Variants in SRGAP2C observed in about 807,000 individuals in gnomAD.
SRGAP2C encodes the protein SLIT-ROBO Rho GTPase-activating protein 2C.
SRGAP2C carries 15 observed loss-of-function variants against 25.1 expected under a neutral mutation model. The ratio of observed to expected loss-of-function variants is 0.60; its 90% CI spans 0.40 to 0.92. The LOEUF (loss-of-function observed/expected upper bound fraction) is 0.92, where lower values mean the gene tolerates loss of function less well. Among genes scored for constraint, SRGAP2C ranks in the 40% least tolerant of loss-of-function variants. The pLI, the probability that SRGAP2C is intolerant of heterozygous loss-of-function variation, is 0.00. For missense variants in SRGAP2C, 144 were observed against 264.4 expected (o/e 0.54, Z 3.16); for synonymous variants, 44 against 96.6 (o/e 0.46, Z 3.19).
Position 121,365,168 on chromosome 1 carries a change from G to T in SRGAP2C, c.424-125G>T. The T allele has an allele frequency of 5.9e-6, 2 of 339,734 alleles. 1 individual carries two copies. Among genetic ancestry groups the T allele is most frequent in the South Asian group, 5.4e-5 (2 of 36,832 alleles). 21.0% of individuals were successfully genotyped at this position (339,734 alleles called of 1,614,324 possible). ...TCTGATTGGAGTGGTTATCTGATTTGCTGGGTTAAATAATGGGCCTTAATT... is the reference window on the plus strand; with the variant it reads ...TCTGATTGGAGTGGTTATCTGATTTTCTGGGTTAAATAATGGGCCTTAATT... On this transcript the variant is annotated intron_variant, in intron 4 of 9. Coordinates refer to ENST00000367123, the MANE Select transcript of SRGAP2C (RefSeq NM_001329984.2).
At chr1:121,277,127 C>A (rs1237671562) in intron 2 of SRGAP2C, among the ~76,000 whole-genome samples, 1 of 117,460 alleles carries the variant, frequency 8.5e-6, no homozygotes, top group Non-Finnish European at 1.8e-5. Flanking sequence ...TCAACACTTT[C>A]ATTGTAGTAT....
chr1:121,210,233 CA>C (rs1553323365), intron 2 of SRGAP2C, among the ~76,000 whole-genome samples: 1 of 150,372 alleles, frequency 6.7e-6, no homozygotes, highest in African/African-American at 2.5e-5. Context: ...TTAGGGTAAA[CA>C]AAATCAAATA....
chr1:121,385,753 T>C (rs1444964337), intron 8 of SRGAP2C, among the ~76,000 whole-genome samples: 1 of 152,070 alleles, frequency 6.6e-6, no homozygotes, highest in Non-Finnish European at 1.5e-5. Context: ...CCTTCTGCTC[T>C]CATCTGTCAT....
chr1:121,285,404 T>TCTCTCACACACACA (rs1553336851), intron 3 of SRGAP2C, among the ~76,000 whole-genome samples: 2 of 124,484 alleles, frequency 1.6e-5, no homozygotes, highest in Admixed American at 8.3e-5. Context: ...TCTCTCTCTC[T>TCTCTCACACACACA]CACACACACA....
intron 4 of SRGAP2C, among the ~76,000 whole-genome samples, chr1:121,352,677 C>A (rs1315810806): frequency 2.7e-5 from 4 of 148,816 alleles, no homozygotes; most frequent in African/African-American, 9.9e-5. Context: ...GAAAATATAT[C>A]GCCAGCAGAC....
At chr1:121,313,548 T>C (rs1383299733) in intron 3 of SRGAP2C, among the ~76,000 whole-genome samples, 1 of 137,340 alleles carries the variant, frequency 7.3e-6, no homozygotes, top group African/African-American at 2.9e-5. Flanking sequence ...TGGCATGATT[T>C]TGCAGTGGCT....
rs1654462753 is a variant in SRGAP2C at position 121,185,041 on chromosome 1, A to T, written c.-626A>T. On this transcript the variant is annotated 5_prime_UTR_variant, in exon 1 of 10. Transcript: ENST00000367123. ...GGGACTGGGGCACCGATCTGCGTAG[A>T]AACGGGTGGCGGGGAAGAGAGGGGA... The T allele has an allele frequency of 1.9e-6, 1 of 517,342 alleles. No homozygotes were observed. The highest frequency in any genetic ancestry group is 3.6e-5 in the Admixed American group (1 of 27,926). The allele number at this position is 517,342 out of a possible 1,614,324, so 32.0% of individuals were successfully genotyped here. A position where few individuals can be genotyped will look rare whatever the true frequency, so the allele number is the denominator to read the frequency against.
intron 2 of SRGAP2C, among the ~76,000 whole-genome samples, chr1:121,191,848 A>T (rs1320378281): frequency 6.9e-6 from 1 of 144,216 alleles, no homozygotes; most frequent in South Asian, 2.2e-4. Context: ...GTGGCACTGT[A>T]TGCTGAGCAG....
chr1:121,356,839 A>T lies in SRGAP2C; in HGVS notation c.424-8454A>T, dbSNP rs1659075186. Among the ~76,000 whole-genome samples, 4 of 151,430 alleles carry T rather than the reference A, an allele frequency of 2.6e-5. No homozygotes were observed. In the South Asian group the frequency reaches 8.4e-4, roughly 32 times the overall value. On this transcript the variant is annotated intron_variant, in intron 4 of 9. Transcript: ENST00000367123. Reference sequence around the variant, plus strand: ...TAGATTTGATTGTCTGTTTTAAGGGATGTTGTTTTGAGTTTATTTTCTTAG... The same window carrying T: ...TAGATTTGATTGTCTGTTTTAAGGGTTGTTGTTTTGAGTTTATTTTCTTAG...
At chr1:121,228,919 G>A (rs587691837) in intron 2 of SRGAP2C, among the ~76,000 whole-genome samples, 1 of 152,046 alleles carries the variant, frequency 6.6e-6, no homozygotes, top group South Asian at 2.1e-4. Context: ...TACTGTGGGG[G>A]TGTTTCTAAG....
At chr1:121,360,838 A>G (rs1553348437) in intron 4 of SRGAP2C, 4 of 151,400 alleles carry the variant, frequency 2.6e-5, no homozygotes, top group African/African-American at 9.7e-5. Context: ...TGTAACATAA[A>G]TTCAGTTTTA....
intron 2 of SRGAP2C, among the ~76,000 whole-genome samples, chr1:121,218,809 T>G (rs1655461104): frequency 6.6e-6 from 1 of 152,044 alleles, no homozygotes; most frequent in South Asian, 2.1e-4. Context: ...GGCCAGGGCT[T>G]TTTCTTAAAG....
chr1:121,282,802 C>T (rs1220294044), intron 2 of SRGAP2C, among the ~76,000 whole-genome samples: 9 of 148,064 alleles, frequency 6.1e-5, no homozygotes, highest in East Asian at 4.1e-4. Flanking sequence ...TTGTGATCCG[C>T]CCGCCTCGGC....
chr1:121,306,248 C>T lies in SRGAP2C; in HGVS notation c.261-18230C>T, dbSNP rs1444113662. ...CTTGTCGGGAGTGAGTAGACACTCCCTGTAGACAGGGAGTGTGTTCCTTGG... is the reference window on the plus strand; with the variant it reads ...CTTGTCGGGAGTGAGTAGACACTCCTTGTAGACAGGGAGTGTGTTCCTTGG... On this transcript the variant is annotated intron_variant, in intron 3 of 9. Transcript: ENST00000367123. Among the ~76,000 whole-genome samples the T allele has an allele frequency of 2.0e-3, 277 of 136,090 alleles. 9 individuals are homozygous for T. In the East Asian group the frequency reaches 0.056, roughly 27 times the overall value. The allele number at this position is 136,090 out of a possible 152,430, so 89.3% of individuals were successfully genotyped here. A position where few individuals can be genotyped will look rare whatever the true frequency, so the allele number is the denominator to read the frequency against.
intron 2 of SRGAP2C, among the ~76,000 whole-genome samples, chr1:121,211,458 C>T (rs6600743): frequency 0.2 from 26,329 of 132,668 alleles, 1,388 homozygotes; most frequent in African/African-American, 0.35. Context: ...CACACACACA[C>T]ACATCTTACC....
chr1:121,270,074 C>T (rs1553335021), intron 2 of SRGAP2C, among the ~76,000 whole-genome samples: 4 of 144,360 alleles, frequency 2.8e-5, no homozygotes, highest in Non-Finnish European at 1.5e-5. Context: ...TTTCCTGTTC[C>T]TGTGGTTTTT....
intron 2 of SRGAP2C, among the ~76,000 whole-genome samples, chr1:121,211,416 TACACACACACACACACACACACACACAC>T: frequency 7.7e-6 from 1 of 130,206 alleles, no homozygotes; most frequent in African/African-American, 2.8e-5. Flanking sequence ...TATATACACA[TACACACACACACACACACACACACACAC>T]ACACACACAC....
chr1:121,219,329 C>T (rs1358652338), intron 2 of SRGAP2C, among the ~76,000 whole-genome samples: 2 of 109,086 alleles, frequency 1.8e-5, no homozygotes, highest in Non-Finnish European at 3.6e-5. Context: ...ATGTTTCTCT[C>T]CTTTTTGCCT....
chr1:121,191,698 A>C (rs1274438869), intron 2 of SRGAP2C, among the ~76,000 whole-genome samples: 3 of 152,102 alleles, frequency 2.0e-5, no homozygotes, highest in Non-Finnish European at 4.4e-5. Flanking sequence ...TAATGACTGT[A>C]TACAGTCCCA....
Sources: allele counts gnomAD v4.1 joint callset (sites outside exome capture counted in the v4.1 genomes callset), GRCh38; gene constraint gnomAD v4.1.1; transcripts MANE v1.5; gene names NCBI Gene and HGNC (gene_info 2026-07-23, HGNC 2026-07-21).